ADGRL3: variants seen among roughly 807,000 people sequenced by gnomAD.
ADGRL3 encodes calcium-independent alpha-latrotoxin receptor 3.
ADGRL3 carries 62 observed loss-of-function variants against 153.5 expected under a neutral mutation model. The observed-to-expected ratio is 0.40, with a 90% CI of 0.33 to 0.50. The LOEUF is 0.50. Ranked by LOEUF, ADGRL3 falls within the 20% of genes least tolerant of loss-of-function variation. The probability of loss-of-function intolerance (pLI) is 0.47; values close to 1 mark genes in which losing one functional copy is unlikely to be tolerated. For missense variants in ADGRL3, 1,641 were observed against 1,859.4 expected, an observed-to-expected ratio of 0.88 and a Z score of 2.16; for synonymous variants, 710 against 672.5, an observed-to-expected ratio of 1.06 and a Z score of -0.86.
intron 1 of ADGRL3, among the ~76,000 whole-genome samples, chr4:61,295,677 G>A (rs1348769516): frequency 6.6e-6 from 1 of 151,948 alleles, no homozygotes. Context: ...AGAGCGGGCT[G>A]GGCACAGTGG....
At chr4:61,326,316 A>G (rs138701284) in intron 1 of ADGRL3, among the ~76,000 whole-genome samples, 119 of 152,042 alleles carry the variant, frequency 7.8e-4, no homozygotes, top group Non-Finnish European at 1.2e-3. Flanking sequence ...AATTTTCAGG[A>G]GACACAGAAG....
At chr4:61,279,256 A>G (rs1353889993) in intron 1 of ADGRL3, among the ~76,000 whole-genome samples, 2 of 152,168 alleles carry the variant, frequency 1.3e-5, no homozygotes, top group Non-Finnish European at 2.9e-5. Flanking sequence ...GTAAACTGCT[A>G]TATCAAAATT....
At chr4:61,754,891 T>C (rs2096803527) in intron 8 of ADGRL3, among the ~76,000 whole-genome samples, 2 of 152,144 alleles carry the variant, frequency 1.3e-5, no homozygotes, top group African/African-American at 2.4e-5. Flanking sequence ...ATTCTTGCGA[T>C]AGTTTGCTGA....
intron 5 of ADGRL3, among the ~76,000 whole-genome samples, chr4:61,640,850 T>A (rs1400443834): frequency 6.6e-6 from 1 of 152,172 alleles, no homozygotes; most frequent in Admixed American, 6.6e-5. Flanking sequence ...TATAATAAGT[T>A]TATTGTCCTT....
intron 5 of ADGRL3, among the ~76,000 whole-genome samples, chr4:61,657,666 CCTT>C (rs1161563175): frequency 3.9e-5 from 6 of 151,970 alleles, no homozygotes; most frequent in African/African-American, 1.5e-4. Flanking sequence ...AAAGTCAAGG[CCTT>C]CTGAATAATT....
intron 9 of ADGRL3, among the ~76,000 whole-genome samples, chr4:61,874,105 C>T (rs1177600733): frequency 6.6e-6 from 1 of 152,140 alleles, no homozygotes; most frequent in Admixed American, 6.5e-5. Context: ...AAACAATACA[C>T]ATTTATTATT....
chr4:61,917,964 C>T (rs1697819125), intron 13 of ADGRL3, among the ~76,000 whole-genome samples: 1 of 152,052 alleles, frequency 6.6e-6, no homozygotes, highest in South Asian at 2.1e-4. Context: ...TCAGAAAAGC[C>T]TAGTAAACAA....
intron 5 of ADGRL3, among the ~76,000 whole-genome samples, chr4:61,606,065 T>G (rs2149596612): frequency 6.6e-6 from 1 of 152,228 alleles, no homozygotes; most frequent in African/African-American, 2.4e-5. Flanking sequence ...TAATGCAGCC[T>G]GAGGTGAGCT....
At chr4:61,813,681 T>G in intron 8 of ADGRL3, 128 bp from the exon 9 acceptor site, 2 of 1,006,700 alleles carry the variant, frequency 2.0e-6, no homozygotes, top group Non-Finnish European at 2.9e-6. Flanking sequence ...TTTGGGCAGA[T>G]ATGTCTACTC....
chr4:61,695,741 T>C (rs2095631020), intron 6 of ADGRL3, among the ~76,000 whole-genome samples: 1 of 152,184 alleles, frequency 6.6e-6, no homozygotes, highest in South Asian at 2.1e-4. Flanking sequence ...GGCTGTTTTG[T>C]CTACATTGAT....
chr4:61,512,194 CT>C (rs1302645534), intron 3 of ADGRL3, among the ~76,000 whole-genome samples: 13 of 152,196 alleles, frequency 8.5e-5, no homozygotes, highest in African/African-American at 2.9e-4. Flanking sequence ...GCTATTGTAA[CT>C]TTTTAATATA....
At chr4:61,727,417 A>G (rs1411826750) in intron 6 of ADGRL3, among the ~76,000 whole-genome samples, 2 of 152,180 alleles carry the variant, frequency 1.3e-5, no homozygotes, top group African/African-American at 4.8e-5. Flanking sequence ...AGAAAAGGAG[A>G]CAAACTCGTT....
At chr4:61,664,641 A>G (rs1308481577) in intron 5 of ADGRL3, among the ~76,000 whole-genome samples, 2 of 152,172 alleles carry the variant, frequency 1.3e-5, no homozygotes, top group Non-Finnish European at 1.5e-5. Flanking sequence ...ATTTTAATGT[A>G]TTTAATCAGA....
chr4:61,792,279 C>T (rs996134971), intron 8 of ADGRL3, among the ~76,000 whole-genome samples: 2 of 152,030 alleles, frequency 1.3e-5, no homozygotes, highest in African/African-American at 2.4e-5. Context: ...TTTCACACAT[C>T]TCTAGGGCAG....
intron 1 of ADGRL3, among the ~76,000 whole-genome samples, chr4:61,249,204 C>T (rs1266261685): frequency 2.6e-5 from 4 of 151,982 alleles, no homozygotes; most frequent in Admixed American, 1.3e-4. Flanking sequence ...ATTTCTTTTT[C>T]TTTTTTGAAG....
chr4:61,249,351 GA>G (rs1358256318), intron 1 of ADGRL3, among the ~76,000 whole-genome samples: 1 of 152,068 alleles, frequency 6.6e-6, no homozygotes, highest in Non-Finnish European at 1.5e-5. Flanking sequence ...CTCTGTCTTG[GA>G]AAAAGAAGTT....
At chr4:61,419,697 C>G (rs911388327) in intron 2 of ADGRL3, among the ~76,000 whole-genome samples, 2 of 152,032 alleles carry the variant, frequency 1.3e-5, no homozygotes, top group African/African-American at 4.8e-5. Context: ...TGTACGCAGT[C>G]AATTTTTAGC....
At chr4:61,667,316 AC>A (rs1458540844) in intron 5 of ADGRL3, among the ~76,000 whole-genome samples, 1 of 152,196 alleles carries the variant, frequency 6.6e-6, no homozygotes, top group African/African-American at 2.4e-5. Context: ...TAAGATTCAT[AC>A]ATTTATAAAT....
intron 2 of ADGRL3, among the ~76,000 whole-genome samples, chr4:61,389,275 G>A (rs1240342555): frequency 6.6e-6 from 1 of 152,190 alleles, no homozygotes; most frequent in Non-Finnish European, 1.5e-5. Context: ...GCAGTTGATA[G>A]GTCTTAGTGA....
Sources: gnomAD v4.1 joint callset for allele counts (sites outside exome capture counted in the v4.1 genomes callset) on GRCh38, gnomAD v4.1.1 for gene constraint, MANE v1.5 for transcripts, NCBI Gene and HGNC (gene_info 2026-07-23, HGNC 2026-07-21) for gene names.